Variants in ZFAND3 observed in about 807,000 individuals in gnomAD.
ZFAND3 encodes zinc finger AN1-type containing 3.
A neutral mutation model predicts 29.6 loss-of-function variants in ZFAND3; 10 were observed. That is an observed-to-expected ratio of 0.34 (90% CI 0.21 to 0.57). The LOEUF is 0.57. Among genes scored for constraint, ZFAND3 ranks in the 20% least tolerant of loss-of-function variants. The pLI is 0.86. For synonymous variants in ZFAND3, 128 were observed against 112.6 expected (o/e 1.14, Z -0.87); for missense variants, 230 against 304.5 (o/e 0.76, Z 1.82).
intron 2 of ZFAND3, among the ~76,000 whole-genome samples, chr6:37,958,568 G>A (rs1762142032): frequency 6.6e-6 from 1 of 151,952 alleles, no homozygotes; most frequent in Non-Finnish European, 1.5e-5. Context: ...AGCAATCCTG[G>A]AAGCAAAATA....
intron 1 of ZFAND3, among the ~76,000 whole-genome samples, chr6:37,849,636 C>T (rs1460083035): frequency 6.6e-6 from 1 of 152,170 alleles, no homozygotes; most frequent in African/African-American, 2.4e-5. Context: ...TCTGGAACTC[C>T]TGACGTCAGG....
intron 1 of ZFAND3, among the ~76,000 whole-genome samples, chr6:37,904,108 A>C (rs553581176): frequency 1.3e-5 from 2 of 152,138 alleles, no homozygotes; most frequent in Non-Finnish European, 2.9e-5. Context: ...TAGTGGTGCA[A>C]ATGTGCTGCT....
intron 1 of ZFAND3, among the ~76,000 whole-genome samples, chr6:37,888,999 G>T (rs1242591753): frequency 2.0e-5 from 3 of 152,166 alleles, no homozygotes; most frequent in Non-Finnish European, 4.4e-5. Flanking sequence ...ACTAGCAGTA[G>T]CACATGGACC....
intron 2 of ZFAND3, among the ~76,000 whole-genome samples, chr6:37,940,153 G>A (rs1258936752): frequency 2.0e-5 from 3 of 152,236 alleles, no homozygotes; most frequent in African/African-American, 7.2e-5. Context: ...AGGTTTATGG[G>A]CTCCCTTTTA....
In ZFAND3 at chr6:37,897,374, C is replaced by T. The variant is rs1765239433; in HGVS notation, c.72-32585C>T. Among the ~76,000 whole-genome samples the T allele has an allele frequency of 2.0e-5, 3 of 152,332 alleles. No individual in the cohort carries two copies. The East Asian group carries it at 5.8e-4, about 29-fold the overall frequency. The stretch of plus-strand genomic sequence containing the variant: ...TGTTGTTGCTTATGGTAGTAATTCT[C>T]ATCCCATTGTGTGAATACAGAACAG... On this transcript the variant is annotated intron_variant, in intron 1 of 5. Coordinates refer to ENST00000287218, the MANE Select transcript of ZFAND3 (RefSeq NM_021943.3).
chr6:38,098,849 GT>G (rs1765035519), intron 4 of ZFAND3, among the ~76,000 whole-genome samples: 1 of 151,920 alleles, frequency 6.6e-6, no homozygotes, highest in South Asian at 2.1e-4. Flanking sequence ...TTGTTAATTG[GT>G]TCTTGGAAAC....
chr6:37,882,148 G>A (rs186372331), intron 1 of ZFAND3, among the ~76,000 whole-genome samples: 1 of 152,220 alleles, frequency 6.6e-6, no homozygotes, highest in Admixed American at 6.5e-5. Context: ...GAGTGGGAGG[G>A]GAGTGGGATT....
intron 2 of ZFAND3, among the ~76,000 whole-genome samples, chr6:38,003,502 CTT>C (rs34965436): frequency 1.6e-4 from 24 of 146,964 alleles, no homozygotes; most frequent in Non-Finnish European, 1.8e-4. Flanking sequence ...CATCCATAAT[CTT>C]TTTTTTTTTT....
intron 2 of ZFAND3, among the ~76,000 whole-genome samples, chr6:37,972,017 A>G (rs1762396815): frequency 6.6e-6 from 1 of 151,810 alleles, no homozygotes; most frequent in Non-Finnish European, 1.5e-5. Flanking sequence ...TTGCTTTCAA[A>G]AAGGTTTTTG....
At chr6:37,886,676 C>T (rs1033752979) in intron 1 of ZFAND3, among the ~76,000 whole-genome samples, 10 of 152,088 alleles carry the variant, frequency 6.6e-5, no homozygotes, top group Non-Finnish European at 1.3e-4. Flanking sequence ...AGTGAGAATT[C>T]CATGTTTTGG....
chr6:37,946,208 C>T (rs1440612221), intron 2 of ZFAND3, among the ~76,000 whole-genome samples: 1 of 152,176 alleles, frequency 6.6e-6, no homozygotes, highest in Admixed American at 6.5e-5. Flanking sequence ...TCAAAGTACA[C>T]TGTAAAGGTC....
At chr6:37,878,781 GA>G (rs1764839304) in intron 1 of ZFAND3, among the ~76,000 whole-genome samples, 1 of 152,334 alleles carries the variant, frequency 6.6e-6, no homozygotes, top group South Asian at 2.1e-4. Flanking sequence ...TAGTGGCAAG[GA>G]AGAGACACTT....
intron 1 of ZFAND3, among the ~76,000 whole-genome samples, chr6:37,922,937 TAA>T (rs1249202691): frequency 1.3e-5 from 2 of 152,352 alleles, no homozygotes; most frequent in South Asian, 2.1e-4. Flanking sequence ...TAGGCTACAC[TAA>T]GTTTATTTTT....
chr6:37,919,301 C>T (rs900974210), intron 1 of ZFAND3, among the ~76,000 whole-genome samples: 3 of 152,046 alleles, frequency 2.0e-5, no homozygotes. Flanking sequence ...ACTGCACATG[C>T]ATATTTAAAG....
chr6:37,835,787 C>A (rs1763957299), intron 1 of ZFAND3, among the ~76,000 whole-genome samples: 1 of 152,000 alleles, frequency 6.6e-6, no homozygotes, highest in South Asian at 2.1e-4. Context: ...ATTCCGGAAC[C>A]ACCTCAGTTT....
intron 4 of ZFAND3, among the ~76,000 whole-genome samples, chr6:38,109,352 G>A (rs1031171786): frequency 6.6e-6 from 1 of 151,984 alleles, no homozygotes; most frequent in African/African-American, 2.4e-5. Flanking sequence ...GCTGATTTTT[G>A]TATTTTTAGT....
intron 4 of ZFAND3, among the ~76,000 whole-genome samples, chr6:38,090,085 T>C (rs1764834387): frequency 6.6e-6 from 1 of 152,204 alleles, no homozygotes; most frequent in South Asian, 2.1e-4. Flanking sequence ...ACTCCTGACC[T>C]CAAGTAATCT....
intron 1 of ZFAND3, among the ~76,000 whole-genome samples, chr6:37,898,052 G>A (rs1765252069): frequency 6.6e-6 from 1 of 152,134 alleles, no homozygotes; most frequent in Non-Finnish European, 1.5e-5. Context: ...TTTTAATGCA[G>A]TGTTATCTAT....
chr6:38,148,494 G>C (rs1030209428), intron 5 of ZFAND3, among the ~76,000 whole-genome samples: 6 of 152,100 alleles, frequency 3.9e-5, no homozygotes, highest in African/African-American at 1.4e-4. Context: ...AAGTGTTAAG[G>C]CTGGCCTAGC....
Sources: allele counts gnomAD v4.1 joint callset (sites outside exome capture counted in the v4.1 genomes callset), GRCh38; gene constraint gnomAD v4.1.1; transcripts MANE v1.5; gene names NCBI Gene and HGNC (gene_info 2026-07-23, HGNC 2026-07-21).